Variants in EDIL3 observed in about 807,000 individuals in gnomAD.
The protein encoded by EDIL3 is EGF-like repeat and discoidin I-like domain-containing protein 3.
EDIL3 carries 37 observed loss-of-function variants against 67.4 expected under a neutral mutation model. The ratio of observed to expected loss-of-function variants is 0.55; its 90% CI spans 0.42 to 0.72. EDIL3 has a LOEUF of 0.72. EDIL3 is among the 30% of genes least tolerant of loss of function. The pLI, the probability that EDIL3 is intolerant of heterozygous loss-of-function variation, is 0.00. For missense variants in EDIL3, 527 were observed against 586.3 expected, an observed-to-expected ratio of 0.90 and a Z score of 1.04; for synonymous variants, 195 against 196.3, an observed-to-expected ratio of 0.99 and a Z score of 0.05.
intron 4 of EDIL3, among the ~76,000 whole-genome samples, chr5:84,154,011 A>T (rs1748446830): frequency 6.6e-6 from 1 of 152,124 alleles, no homozygotes; most frequent in Non-Finnish European, 1.5e-5. Context: ...TTCCTTGCTG[A>T]GGTTTGGGCT....
At chr5:83,998,968 G>T (rs1305122611) in intron 9 of EDIL3, among the ~76,000 whole-genome samples, 1 of 152,070 alleles carries the variant, frequency 6.6e-6, no homozygotes, top group Non-Finnish European at 1.5e-5. Context: ...AGACAGTAAG[G>T]GAAGAGAATA....
At chr5:84,176,202 T>TATATATATATA (rs1561453772) in intron 4 of EDIL3, among the ~76,000 whole-genome samples, 2 of 10,100 alleles carry the variant, frequency 2.0e-4, no homozygotes, top group African/African-American at 8.0e-4. Context: ...ATATATAATA[T>TATATATATATA]ATATATATAT....
At chr5:84,337,718 CT>C (rs1747018363) in intron 1 of EDIL3, among the ~76,000 whole-genome samples, 1 of 152,050 alleles carries the variant, frequency 6.6e-6, no homozygotes, top group South Asian at 2.1e-4. Context: ...TTTCCTGTAA[CT>C]TTTTCATCAT....
intron 5 of EDIL3, among the ~76,000 whole-genome samples, chr5:84,114,655 CA>C: frequency 6.6e-6 from 1 of 152,252 alleles, no homozygotes; most frequent in East Asian, 1.9e-4. Context: ...ATACTGTTTT[CA>C]AAAATTAGTT....
chr5:84,358,246 G>A (rs940649813), intron 1 of EDIL3, among the ~76,000 whole-genome samples: 3 of 152,142 alleles, frequency 2.0e-5, no homozygotes, highest in African/African-American at 7.2e-5. Flanking sequence ...AAATGCAGCA[G>A]TTTTTGCTAA....
At chr5:83,957,286 C>G (rs1181607168) in intron 10 of EDIL3, among the ~76,000 whole-genome samples, 1 of 151,652 alleles carries the variant, frequency 6.6e-6, no homozygotes, top group African/African-American at 2.4e-5. Context: ...CCCCTGCTAT[C>G]ATCTTCCTCT....
intron 9 of EDIL3, among the ~76,000 whole-genome samples, chr5:84,028,756 T>C (rs1002454460): frequency 5.9e-5 from 9 of 152,126 alleles, no homozygotes; most frequent in African/African-American, 1.9e-4. Context: ...CTTAAATATA[T>C]ATATATACAT....
intron 1 of EDIL3, among the ~76,000 whole-genome samples, chr5:84,350,195 G>A (rs1747326529): frequency 1.3e-5 from 2 of 151,998 alleles, no homozygotes. Flanking sequence ...AAAATCTTAT[G>A]CCTACTATCA....
Position 83,940,805 on chromosome 5 carries a change from T to A in EDIL3, c.*2614A>T, listed in dbSNP as rs1212294976. On this transcript the variant is annotated 3_prime_UTR_variant, in exon 11 of 11. Coordinates refer to ENST00000296591, the MANE Select transcript of EDIL3 (RefSeq NM_005711.5). Reference sequence around the variant, plus strand: ...TGAGTATATTTCATAAGTTGTTGACTAGCAAAGATACAATCATTAGTAACC... The same window carrying A: ...TGAGTATATTTCATAAGTTGTTGACAAGCAAAGATACAATCATTAGTAACC... 1 of 152,004 alleles carries A rather than the reference T, an allele frequency of 6.6e-6. No individual in the cohort carries two copies. The highest frequency in any genetic ancestry group is 2.4e-5 in the African/African-American group (1 of 41,434). 9.4% of individuals were successfully genotyped at this position (152,004 alleles called of 1,614,324 possible).
At chr5:84,230,191 A>G (rs1414775817) in intron 2 of EDIL3, among the ~76,000 whole-genome samples, 1 of 152,172 alleles carries the variant, frequency 6.6e-6, no homozygotes, top group Non-Finnish European at 1.5e-5. Flanking sequence ...CTTTGCAAAT[A>G]AGATTAACCT....
chr5:84,014,715 T>A (rs975681384), intron 9 of EDIL3, among the ~76,000 whole-genome samples: 2 of 152,082 alleles, frequency 1.3e-5, no homozygotes, highest in African/African-American at 2.4e-5. Flanking sequence ...GACTCTAATG[T>A]GATATAAAAT....
At chr5:83,954,250 T>A (rs1744469658) in intron 10 of EDIL3, among the ~76,000 whole-genome samples, 1 of 151,750 alleles carries the variant, frequency 6.6e-6, no homozygotes, top group African/African-American at 2.4e-5. Flanking sequence ...TATTTAGAAA[T>A]AAAATGGGTT....
At chr5:84,298,244 T>G (rs1335246755) in intron 1 of EDIL3, among the ~76,000 whole-genome samples, 1 of 152,136 alleles carries the variant, frequency 6.6e-6, no homozygotes, top group Non-Finnish European at 1.5e-5. Context: ...TGCCCATCAA[T>G]GATAGACTGG....
At chr5:83,989,132 G>A (rs1745105668) in intron 9 of EDIL3, among the ~76,000 whole-genome samples, 1 of 152,102 alleles carries the variant, frequency 6.6e-6, no homozygotes, top group Non-Finnish European at 1.5e-5. Flanking sequence ...GTGGAATCAT[G>A]GTTCCTCAGA....
At chr5:84,169,374 T>C (rs1210445701) in intron 4 of EDIL3, among the ~76,000 whole-genome samples, 1 of 152,074 alleles carries the variant, frequency 6.6e-6, no homozygotes, top group African/African-American at 2.4e-5. Context: ...ACTATGATAG[T>C]CCAATCTTAT....
intron 3 of EDIL3, among the ~76,000 whole-genome samples, chr5:84,204,769 T>C (rs149992774): frequency 1.4e-5 from 2 of 147,394 alleles, no homozygotes; most frequent in Non-Finnish European, 3.0e-5. Flanking sequence ...TATGCCCCTT[T>C]ACAAGCATAA....
At chr5:84,156,623 T>G (rs1390375111) in intron 4 of EDIL3, among the ~76,000 whole-genome samples, 1 of 152,230 alleles carries the variant, frequency 6.6e-6, no homozygotes, top group Admixed American at 6.5e-5. Context: ...CTTAAAAGGC[T>G]AAGTTTAAAT....
intron 9 of EDIL3, among the ~76,000 whole-genome samples, chr5:83,977,394 CTCAA>C (rs1744893461): frequency 6.6e-6 from 1 of 151,754 alleles, no homozygotes; most frequent in African/African-American, 2.4e-5. Context: ...AAGGAAGATT[CTCAA>C]TCAATTTTTT....
At chr5:84,233,155 GA>G (rs1445036042) in intron 2 of EDIL3, among the ~76,000 whole-genome samples, 2 of 152,122 alleles carry the variant, frequency 1.3e-5, no homozygotes, top group African/African-American at 4.8e-5. Flanking sequence ...AGAATGTACT[GA>G]AATTATAATG....
Sources: gnomAD v4.1 joint callset for allele counts (sites outside exome capture counted in the v4.1 genomes callset) on GRCh38, gnomAD v4.1.1 for gene constraint, MANE v1.5 for transcripts, NCBI Gene and HGNC (gene_info 2026-07-23, HGNC 2026-07-21) for gene names.